Variants in LYPD6 observed in about 807,000 individuals in gnomAD.
The protein encoded by LYPD6 is ly6/PLAUR domain-containing protein 6.
Under a neutral mutation model 22.7 loss-of-function variants are expected in LYPD6, and 15 were observed. That is an observed-to-expected ratio of 0.66 (90% CI 0.44 to 1.02). The LOEUF is 1.02. LYPD6 is among the 50% of genes least tolerant of loss of function. LYPD6 has a pLI of 0.00. For missense variants in LYPD6, 189 were observed against 208.4 expected (o/e 0.91, Z 0.57); for synonymous variants, 72 against 77.5 (o/e 0.93, Z 0.37).
chr2:149,447,174 T>TTA (rs1683707926), intron 2 of LYPD6, among the ~76,000 whole-genome samples: 1 of 152,184 alleles, frequency 6.6e-6, no homozygotes, highest in South Asian at 2.1e-4. Flanking sequence ...TAAGAAGCAA[T>TTA]TAAATGCACA....
intron 1 of LYPD6, among the ~76,000 whole-genome samples, chr2:149,347,306 G>A (rs1681275949): frequency 6.6e-6 from 1 of 152,138 alleles, no homozygotes; most frequent in South Asian, 2.1e-4. Context: ...TCCAAATACT[G>A]TCGCATCACA....
At chr2:149,390,081 A>G (rs962206623) in intron 1 of LYPD6, among the ~76,000 whole-genome samples, 2 of 152,178 alleles carry the variant, frequency 1.3e-5, no homozygotes, top group African/African-American at 4.8e-5. Flanking sequence ...ATTATCTTGC[A>G]TTCAGTTCCT....
intron 1 of LYPD6, among the ~76,000 whole-genome samples, chr2:149,406,099 C>T (rs1192301360): frequency 6.7e-6 from 1 of 150,366 alleles, no homozygotes; most frequent in Non-Finnish European, 1.5e-5. Context: ...GTCTGAGAGA[C>T]AGTTTGTTAT....
At chr2:149,357,924 T>C (rs1390492899) in intron 1 of LYPD6, among the ~76,000 whole-genome samples, 1 of 151,992 alleles carries the variant, frequency 6.6e-6, no homozygotes, top group East Asian at 1.9e-4. Context: ...TAGCTGGGAT[T>C]ACAAGCGTGT....
chr2:149,417,572 A>G (rs1682991828), intron 1 of LYPD6, among the ~76,000 whole-genome samples: 1 of 152,154 alleles, frequency 6.6e-6, no homozygotes, highest in Admixed American at 6.6e-5. Context: ...AAAACTGTCT[A>G]GAACAATTCT....
chr2:149,436,251 T>G, intron 1 of LYPD6, among the ~76,000 whole-genome samples: 1 of 152,214 alleles, frequency 6.6e-6, no homozygotes, highest in East Asian at 1.9e-4. Context: ...TTGTTGAACA[T>G]TTATATTAAA....
intron 1 of LYPD6, among the ~76,000 whole-genome samples, chr2:149,406,292 A>G (rs1399244425): frequency 6.6e-6 from 1 of 152,104 alleles, no homozygotes; most frequent in East Asian, 1.9e-4. Context: ...GTATCTTGTT[A>G]ACTTTCTGTC....
chr2:149,372,574 A>G (rs1681835157), intron 1 of LYPD6, among the ~76,000 whole-genome samples: 1 of 152,246 alleles, frequency 6.6e-6, no homozygotes, highest in Non-Finnish European at 1.5e-5. Flanking sequence ...TTGACATTAG[A>G]TGACTCCAGG....
At chr2:149,479,598 G>A in the LYPD6 span, among the ~76,000 whole-genome samples, 28 of 152,018 alleles carry the variant, frequency 1.8e-4, 1 homozygote, top group African/African-American at 6.8e-4. Context: ...CAGAAACCTG[G>A]GTTTCTCCTT....
chr2:149,439,914 T>A (rs1393699068), intron 2 of LYPD6: 3 of 152,434 alleles, frequency 2.0e-5, no homozygotes, highest in African/African-American at 7.2e-5. Flanking sequence ...ACTATTCATT[T>A]GACCTGGAAA....
In LYPD6 at chr2:149,449,106, A is replaced by T; in HGVS notation, c.176A>T (p.Tyr59Phe). ...ACCTGTGAAAAGGCAGCAGACAATT[A>T]TGAGTGCAACCGATGGGCTCCAGAC... ...CFTCEKAADNYECNRWAPDIY... is the reference protein window; with the variant it reads ...CFTCEKAADNFECNRWAPDIY... Residue 59 changes from tyrosine to phenylalanine, a missense_variant, in exon 3 of 5, where the codon TAT becomes TTT. By Grantham distance (22) the Tyr-to-Phe change is conservative. Transcript: ENST00000334166. 1 of 1,613,692 alleles carries T rather than the reference A, an allele frequency of 6.2e-7. No homozygotes were observed. The highest frequency in any genetic ancestry group is 2.2e-5 in the East Asian group (1 of 44,840).
chr2:149,355,487 A>G (rs756971784), intron 1 of LYPD6, among the ~76,000 whole-genome samples: 1 of 152,208 alleles, frequency 6.6e-6, no homozygotes, highest in Non-Finnish European at 1.5e-5. Context: ...TGTTTTTGAT[A>G]CCCTTCCAAA....
intron 1 of LYPD6, among the ~76,000 whole-genome samples, chr2:149,428,831 G>A (rs74508002): frequency 0.012 from 1,828 of 152,198 alleles, 44 homozygotes; most frequent in African/African-American, 0.042. Flanking sequence ...GTAATGGAGT[G>A]GTATTCAATT....
intron 3 of LYPD6, chr2:149,464,189 G>C (rs1409850490): frequency 5.2e-6 from 2 of 383,614 alleles, no homozygotes; most frequent in Non-Finnish European, 1.0e-5. Context: ...AGAAAAGCCA[G>C]ATATCCCAAA....
At chr2:149,414,641 T>C (rs1573788140) in intron 1 of LYPD6, among the ~76,000 whole-genome samples, 1 of 152,150 alleles carries the variant, frequency 6.6e-6, no homozygotes, top group South Asian at 2.1e-4. Context: ...GCACAGGGCT[T>C]GGCCCGTATT....
At chr2:149,381,913 G>C (rs1682074801) in intron 1 of LYPD6, among the ~76,000 whole-genome samples, 1 of 152,158 alleles carries the variant, frequency 6.6e-6, no homozygotes, top group African/African-American at 2.4e-5. Context: ...GTTAATTCGT[G>C]ATGATTTCCA....
At chr2:149,399,584 G>A (rs1233545857) in intron 1 of LYPD6, among the ~76,000 whole-genome samples, 1 of 151,552 alleles carries the variant, frequency 6.6e-6, no homozygotes, top group African/African-American at 2.4e-5. Context: ...ATGGGATATA[G>A]GGACCATTGG....
intron 1 of LYPD6, among the ~76,000 whole-genome samples, chr2:149,385,517 A>C (rs1682163434): frequency 6.6e-6 from 1 of 152,162 alleles, no homozygotes. Context: ...TTTTTGCTAA[A>C]ATTCAGGGAC....
At chr2:149,387,246 TTG>T (rs1322569985) in intron 1 of LYPD6, among the ~76,000 whole-genome samples, 1 of 152,160 alleles carries the variant, frequency 6.6e-6, no homozygotes. Flanking sequence ...AGGGGAGATA[TTG>T]TATTGAGTGT....
Sources: allele counts gnomAD v4.1 joint callset (sites outside exome capture counted in the v4.1 genomes callset), GRCh38; gene constraint gnomAD v4.1.1; transcripts MANE v1.5; gene names NCBI Gene and HGNC (gene_info 2026-07-23, HGNC 2026-07-21).